Variants in TTC23L observed in about 807,000 individuals in gnomAD.
TTC23L encodes the protein tetratricopeptide repeat protein 23-like.
In TTC23L, 42 loss-of-function variants were observed where a neutral mutation model predicts 48.1. The observed-to-expected ratio is 0.87, with a 90% CI of 0.68 to 1.13. The LOEUF (loss-of-function observed/expected upper bound fraction) is 1.13, where lower values mean the gene tolerates loss of function less well. Ranked by LOEUF, TTC23L falls within the 50% of genes most tolerant of loss-of-function variation. The probability of loss-of-function intolerance (pLI) is 0.00; values close to 1 mark genes in which losing one functional copy is unlikely to be tolerated. For synonymous variants in TTC23L, 159 were observed against 157.2 expected (o/e 1.01, Z -0.09); for missense variants, 391 against 421.0 (o/e 0.93, Z 0.62).
the TTC23L span, chr5:34,922,819 T>G: frequency 1.1e-5 from 16 of 1,506,932 alleles, no homozygotes; most frequent in Non-Finnish European, 1.5e-5. Context: ...CTGGCATGGT[T>G]GTTTTTAGTA....
the TTC23L span, chr5:34,913,977 C>T: frequency 2.2e-6 from 1 of 456,828 alleles, no homozygotes; most frequent in Admixed American, 2.3e-5. Flanking sequence ...GCTTCAGCCT[C>T]GGTCTCCTGA....
intron 10 of TTC23L, among the ~76,000 whole-genome samples, chr5:34,898,402 A>AAT (rs1376929075): frequency 6.6e-6 from 1 of 152,174 alleles, no homozygotes; most frequent in African/African-American, 2.4e-5. Flanking sequence ...ACTCAAAGAT[A>AAT]ATATATACAC....
intron 7 of TTC23L, chr5:34,868,664 T>C (rs1273072078): frequency 7.9e-6 from 3 of 377,700 alleles, no homozygotes; most frequent in Middle Eastern, 7.9e-4. Context: ...CCAACATTTA[T>C]TGAGAACTTA....
In TTC23L at chr5:34,863,042, T is replaced by C. The variant is rs765395457; in HGVS notation, c.524T>C (p.Leu175Pro). The change falls in exon 5 of 11, where the codon CTC becomes CCC. Residue 175 changes from leucine to proline, a missense_variant. Physicochemically the swap from Leu to Pro is moderately conservative, Grantham distance 98 (BLOSUM62 -3). Coordinates refer to ENST00000505624, the Ensembl canonical transcript of TTC23L. The surrounding 1 kb of genome is among the most constrained non-coding windows in gnomAD (Gnocchi z 4.1). Reference sequence around the variant, plus strand: ...TACTACACTCTGGGCGTGGCCTGGCTCCTGCAGAACCGATATCCTTCCATT... The same window carrying C: ...TACTACACTCTGGGCGTGGCCTGGCCCCTGCAGAACCGATATCCTTCCATT... 14 of 1,613,922 alleles carry C rather than the reference T, an allele frequency of 8.7e-6. No homozygotes were observed. In the South Asian group the frequency reaches 1.2e-4, roughly 14 times the overall value.
At chr5:34,857,451 A>G (rs892434063) in intron 4 of TTC23L, among the ~76,000 whole-genome samples, 15 of 152,330 alleles carry the variant, frequency 9.8e-5, no homozygotes, top group African/African-American at 3.1e-4. Context: ...ACAAAGACAC[A>G]AAAACTGGTA....
At chr5:34,892,862 T>C (rs1762960021) in intron 9 of TTC23L, among the ~76,000 whole-genome samples, 1 of 152,180 alleles carries the variant, frequency 6.6e-6, no homozygotes, top group African/African-American at 2.4e-5. Flanking sequence ...AAAGACAGAC[T>C]GGGGTGAGAT....
chr5:34,898,772 A>G (rs754576874), intron 10 of TTC23L, among the ~76,000 whole-genome samples: 5 of 152,234 alleles, frequency 3.3e-5, no homozygotes, highest in Non-Finnish European at 7.3e-5. Context: ...CTACAGAACA[A>G]ATATTCTTTT....
chr5:34,915,632 G>A, the TTC23L span: 18 of 1,371,398 alleles, frequency 1.3e-5, no homozygotes, highest in Non-Finnish European at 1.7e-5. Context: ...CAGACCTGGA[G>A]GACGACCGCG....
the TTC23L span, among the ~76,000 whole-genome samples, chr5:34,924,212 G>A: frequency 6.6e-6 from 1 of 152,322 alleles, no homozygotes; most frequent in South Asian, 2.1e-4. Flanking sequence ...AGATGAAGAG[G>A]TGGAAGAGAA....
chr5:34,888,807 C>A (rs1282047408), intron 9 of TTC23L, among the ~76,000 whole-genome samples: 1 of 152,152 alleles, frequency 6.6e-6, no homozygotes, highest in East Asian at 1.9e-4. Context: ...TATAGAAAAG[C>A]CCCGCAAGAC....
the TTC23L span, chr5:34,918,577 G>GA: frequency 1.1e-5 from 7 of 628,150 alleles, no homozygotes; most frequent in Non-Finnish European, 1.5e-5. Flanking sequence ...GTGTTCTCAC[G>GA]AAAAAAACAC....
chr5:34,882,392 G>A (rs1047060577), intron 9 of TTC23L, among the ~76,000 whole-genome samples: 1 of 152,204 alleles, frequency 6.6e-6, no homozygotes, highest in Non-Finnish European at 1.5e-5. Context: ...ATGAGGGCAG[G>A]AATTTTTGTT....
chr5:34,894,883 AATGATGATGATG>A (rs79554898), intron 9 of TTC23L, among the ~76,000 whole-genome samples: 209 of 150,932 alleles, frequency 1.4e-3, no homozygotes, highest in African/African-American at 4.9e-3. Context: ...TGAGAGTGTT[AATGATGATGATG>A]ATGATGATGA....
At chr5:34,882,658 C>CACAA (rs1317720646) in intron 9 of TTC23L, among the ~76,000 whole-genome samples, 3 of 148,840 alleles carry the variant, frequency 2.0e-5, no homozygotes, top group Admixed American at 6.7e-5. Flanking sequence ...CACACACACA[C>CACAA]AATATCTTTT....
At chr5:34,849,397 G>A (rs1025367162) in intron 3 of TTC23L, among the ~76,000 whole-genome samples, 2 of 152,112 alleles carry the variant, frequency 1.3e-5, no homozygotes, top group African/African-American at 4.8e-5. Flanking sequence ...GAGAATGGAG[G>A]GACATGATGA....
chr5:34,871,428 A>G (rs1457154994), intron 8 of TTC23L, among the ~76,000 whole-genome samples: 6 of 152,194 alleles, frequency 3.9e-5, no homozygotes, highest in Non-Finnish European at 8.8e-5. Context: ...AAATAAATAC[A>G]CATACTATGT....
chr5:34,870,311 A>G (rs546603831), intron 8 of TTC23L, among the ~76,000 whole-genome samples: 1 of 152,306 alleles, frequency 6.6e-6, no homozygotes, highest in East Asian at 1.9e-4. Flanking sequence ...ACACAAAGAC[A>G]TACCATAAAA....
At chr5:34,870,884 T>C (rs753441668) in intron 8 of TTC23L, among the ~76,000 whole-genome samples, 61 of 152,196 alleles carry the variant, frequency 4.0e-4, no homozygotes, top group Non-Finnish European at 8.2e-4. Context: ...GGAAAGCTCA[T>C]GATTTTATCA....
intron 7 of TTC23L, 42 bp downstream of exon 7, chr5:34,867,111 G>C (rs1297316950): frequency 6.3e-7 from 1 of 1,581,574 alleles, no homozygotes; most frequent in Non-Finnish European, 8.6e-7. Context: ...TGCCTTGTTT[G>C]GCCCCAGGCT....
Sources: gnomAD v4.1 joint callset for allele counts (sites outside exome capture counted in the v4.1 genomes callset) on GRCh38, gnomAD v4.1.1 for gene constraint, Gnocchi (gnomAD v3.1) non-coding constraint, MANE v1.5 for transcripts, NCBI Gene and HGNC (gene_info 2026-07-23, HGNC 2026-07-21) for gene names.